CDH2: variants seen among roughly 807,000 people sequenced by gnomAD.
CDH2 encodes the protein cadherin-2.
A neutral mutation model predicts 92.0 loss-of-function variants in CDH2; 17 were observed. The ratio of observed to expected loss-of-function variants is 0.18; its 90% CI spans 0.13 to 0.28. The LOEUF (loss-of-function observed/expected upper bound fraction) is 0.28. Ranked by LOEUF, CDH2 falls within the 10% of genes least tolerant of loss-of-function variation. The probability of loss-of-function intolerance (pLI) is 1.00; values close to 1 mark genes in which losing one functional copy is unlikely to be tolerated. For synonymous variants in CDH2, 419 were observed against 415.9 expected (o/e 1.01, Z -0.09); for missense variants, 862 against 1,133.1 (o/e 0.76, Z 3.44).
At chr18:27,980,877 T>C (rs1362106971) in intron 14 of CDH2, among the ~76,000 whole-genome samples, 1 of 151,458 alleles carries the variant, frequency 6.6e-6, no homozygotes, top group African/African-American at 2.4e-5. Context: ...AGATTTATGA[T>C]ATTATTTTAA....
chr18:27,969,664 T>C (rs879612274), intron 14 of CDH2, among the ~76,000 whole-genome samples: 5 of 152,190 alleles, frequency 3.3e-5, no homozygotes, highest in Admixed American at 2.6e-4. Context: ...CACTGAGCCT[T>C]TACTCTAATG....
intron 2 of CDH2, among the ~76,000 whole-genome samples, chr18:28,027,033 C>T (rs111235345): frequency 1.7e-4 from 26 of 152,186 alleles, no homozygotes; most frequent in Non-Finnish European, 2.5e-4. Context: ...TATGAAAGAA[C>T]GGGCCAGCTG....
At chr18:28,053,478 T>A (rs2014232421) in intron 2 of CDH2, among the ~76,000 whole-genome samples, 1 of 152,216 alleles carries the variant, frequency 6.6e-6, no homozygotes, top group Non-Finnish European at 1.5e-5. Context: ...AAGATGGGGT[T>A]ATTCATGCTA....
intron 6 of CDH2, among the ~76,000 whole-genome samples, chr18:27,937,491 T>TTGTTA (rs1451854760): frequency 1.3e-5 from 2 of 152,364 alleles, no homozygotes; most frequent in East Asian, 3.9e-4. Context: ...AAGATTGTTA[T>TTGTTA]TGTTATGACA....
chr18:28,145,443 T>A (rs2144323228), intron 2 of CDH2, among the ~76,000 whole-genome samples: 1 of 152,222 alleles, frequency 6.6e-6, no homozygotes, highest in Middle Eastern at 3.4e-3. Context: ...CCCTTTCAGC[T>A]GTGGCAAATA....
intron 15 of CDH2, among the ~76,000 whole-genome samples, chr18:27,961,378 G>C (rs2011399786): frequency 6.6e-6 from 1 of 151,984 alleles, no homozygotes. Flanking sequence ...CCCAGCTGGT[G>C]AGGGCTATGA....
chr18:28,036,555 A>C, intron 2 of CDH2: 1 of 1,595,068 alleles, frequency 6.3e-7, no homozygotes. Context: ...ACATGCCATC[A>C]AGTTTCCATT....
intron 2 of CDH2, among the ~76,000 whole-genome samples, chr18:28,039,259 T>C (rs988696999): frequency 6.6e-5 from 10 of 152,088 alleles, no homozygotes; most frequent in Admixed American, 4.6e-4. Context: ...TTGCGCGGCA[T>C]AGGGAAGGGC....
chr18:27,938,904 A>G (rs558395444), intron 6 of CDH2, among the ~76,000 whole-genome samples: 1 of 152,300 alleles, frequency 6.6e-6, no homozygotes, highest in South Asian at 2.1e-4. Flanking sequence ...TATTTTTAGC[A>G]AGGAATTCAA....
At chr18:28,115,467 T>A (rs1022140181) in intron 2 of CDH2, among the ~76,000 whole-genome samples, 1 of 152,082 alleles carries the variant, frequency 6.6e-6, no homozygotes, top group Non-Finnish European at 1.5e-5. Context: ...ACCCTAAGGA[T>A]TATCAAACAT....
intron 2 of CDH2, among the ~76,000 whole-genome samples, chr18:28,116,223 T>C (rs2015493753): frequency 6.6e-6 from 1 of 152,156 alleles, no homozygotes; most frequent in Non-Finnish European, 1.5e-5. Flanking sequence ...TGTATTTTTT[T>C]TGAAATTTTA....
At chr18:28,128,473 T>G (rs979813273) in intron 2 of CDH2, among the ~76,000 whole-genome samples, 42 of 152,156 alleles carry the variant, frequency 2.8e-4, no homozygotes, top group Middle Eastern at 6.8e-3. Context: ...CAGGCGGATC[T>G]CAGAAGTTCA....
intron 2 of CDH2, among the ~76,000 whole-genome samples, chr18:28,107,391 T>C (rs1431700718): frequency 6.6e-6 from 1 of 152,040 alleles, no homozygotes; most frequent in African/African-American, 2.4e-5. Flanking sequence ...ACGGTATGCA[T>C]ATTAAAATGG....
At chr18:28,079,766 A>G (rs2014791517) in intron 2 of CDH2, among the ~76,000 whole-genome samples, 1 of 152,166 alleles carries the variant, frequency 6.6e-6, no homozygotes, top group African/African-American at 2.4e-5. Context: ...CCTATGGTGG[A>G]CACTTTGTTC....
chr18:28,158,548 C>T (rs1165441638), intron 1 of CDH2, among the ~76,000 whole-genome samples: 1 of 152,228 alleles, frequency 6.6e-6, no homozygotes, highest in Admixed American at 6.5e-5. Flanking sequence ...AGGCACTCTG[C>T]TAACTCTCAC....
intron 2 of CDH2, among the ~76,000 whole-genome samples, chr18:28,133,129 C>A (rs2015800127): frequency 1.3e-5 from 2 of 152,156 alleles, no homozygotes; most frequent in Admixed American, 6.5e-5. Context: ...ATGGAGATAG[C>A]ATGGTATGTC....
chr18:27,961,569 A>G (rs765599301), intron 15 of CDH2, among the ~76,000 whole-genome samples: 1 of 152,194 alleles, frequency 6.6e-6, no homozygotes, highest in Non-Finnish European at 1.5e-5. Context: ...CAAATAGTTC[A>G]GTGGGGCTGC....
chr18:28,026,532 A>C (rs2013558332), intron 2 of CDH2, among the ~76,000 whole-genome samples: 1 of 152,116 alleles, frequency 6.6e-6, no homozygotes, highest in Non-Finnish European at 1.5e-5. Flanking sequence ...TGCTAGAACA[A>C]CCATAGCCTG....
intron 14 of CDH2, among the ~76,000 whole-genome samples, chr18:27,978,808 A>G (rs1003091940): frequency 8.6e-5 from 13 of 151,856 alleles, no homozygotes; most frequent in African/African-American, 3.1e-4. Flanking sequence ...ATGAGCTACC[A>G]TGCCTGGTTA....
Sources: allele counts gnomAD v4.1 joint callset (sites outside exome capture counted in the v4.1 genomes callset), GRCh38; gene constraint gnomAD v4.1.1; transcripts MANE v1.5; gene names NCBI Gene and HGNC (gene_info 2026-07-23, HGNC 2026-07-21).